The following PCDH19 variants were observed in gnomAD, a reference collection of about 807,000 sequenced individuals.
The protein encoded by PCDH19 is protocadherin-19.
In PCDH19, 6 loss-of-function variants were observed where a neutral mutation model predicts 46.2. The ratio of observed to expected loss-of-function variants is 0.13; its 90% CI spans 0.07 to 0.26. PCDH19 has a LOEUF of 0.26. Among genes scored for constraint, PCDH19 ranks in the 10% least tolerant of loss-of-function variants. The pLI, the probability that PCDH19 is intolerant of heterozygous loss-of-function variation, is 1.00. For synonymous variants in PCDH19, 481 were observed against 415.7 expected, an observed-to-expected ratio of 1.16 and a Z score of -1.91; for missense variants, 740 against 972.3, an observed-to-expected ratio of 0.76 and a Z score of 3.18.
At chrX:100,310,588 T>G (rs1284373918) in intron 5 of PCDH19, among the ~76,000 whole-genome samples, 1 of 110,771 alleles carries the variant, frequency 9.0e-6, no homozygotes, top group Non-Finnish European at 1.9e-5. Flanking sequence ...CAATGAGCTA[T>G]TCCCCAAAAG....
At chrX:100,340,472 A>T (rs1339287492) in intron 5 of PCDH19, among the ~76,000 whole-genome samples, 1 of 112,356 alleles carries the variant, frequency 8.9e-6, no homozygotes, top group Non-Finnish European at 1.9e-5. Context: ...CTAGTAAATG[A>T]TATATATCAG....
intron 5 of PCDH19, among the ~76,000 whole-genome samples, chrX:100,338,409 C>T (rs1461710000): frequency 9.6e-6 from 1 of 104,431 alleles, no homozygotes. Context: ...GTAGTCCCAG[C>T]TACTTGGGAA....
rs892613445 is a variant in PCDH19 at position 100,408,660 on chromosome X, G to A, written c.-63C>T. The A allele has an allele frequency of 7.2e-6, 7 of 978,623 alleles. No individual in the cohort carries two copies. The highest frequency in any genetic ancestry group is 9.8e-6 in the Non-Finnish European group (7 of 715,668). The allele number at this position is 978,623 out of a possible 1,213,427, so 80.6% of individuals were successfully genotyped here. A position where few individuals can be genotyped will look rare whatever the true frequency, so the allele number is the denominator to read the frequency against. ...CCCCTCCGAGACCGACGCCGTCGGC[G>A]CTCCAGCTTCCCGCCGGCTCGGGCC... On this transcript the variant is annotated 5_prime_UTR_variant, in exon 1 of 6. Coordinates refer to ENST00000373034, the MANE Select transcript of PCDH19 (RefSeq NM_001184880.2).
chrX:100,349,764 C>A (rs1289492307), intron 4 of PCDH19, among the ~76,000 whole-genome samples: 2 of 112,536 alleles, frequency 1.8e-5, no homozygotes, highest in African/African-American at 6.5e-5. Flanking sequence ...TTACATGAAA[C>A]AGCAATACAG....
At chrX:100,365,911 A>G (rs1243792988) in intron 3 of PCDH19, among the ~76,000 whole-genome samples, 1 of 112,090 alleles carries the variant, frequency 8.9e-6, no homozygotes, top group African/African-American at 3.2e-5. Flanking sequence ...AATAAAACCT[A>G]ATACTCAAAG....
At chrX:100,387,310 G>A (rs1405867015) in intron 3 of PCDH19, among the ~76,000 whole-genome samples, 1 of 111,312 alleles carries the variant, frequency 9.0e-6, no homozygotes, top group Non-Finnish European at 1.9e-5. Flanking sequence ...CTAATTTGTT[G>A]AAAAAAGAAC....
At chrX:100,338,043 G>T (rs778000582) in intron 5 of PCDH19, among the ~76,000 whole-genome samples, 1 of 111,565 alleles carries the variant, frequency 9.0e-6, no homozygotes, top group Non-Finnish European at 1.9e-5. Context: ...TGCCCTTTGA[G>T]TTCAAAAGTC....
chrX:100,295,749 C>T lies in PCDH19; in HGVS notation c.*528G>A, dbSNP rs1326817506. 1 of 114,156 alleles carries T rather than the reference C, an allele frequency of 8.8e-6. No individual in the cohort carries two copies. Among genetic ancestry groups the T allele is most frequent in the East Asian group, 2.8e-4 (1 of 3,617 alleles). 9.4% of individuals were successfully genotyped at this position (114,156 alleles called of 1,213,427 possible). On this transcript the variant is annotated 3_prime_UTR_variant, in exon 6 of 6. Coordinates refer to ENST00000373034, the MANE Select transcript of PCDH19 (RefSeq NM_001184880.2). ...AGCAGGGGTGTCCACAGCAAAGTAG[C>T]GGCATTGGGAAGTACTCGAGCTTCA...
At position 100,341,751 on chromosome X, in the gene PCDH19, AG is replaced by A. The variant is rs1271221270; in HGVS notation, c.2848+151del. The A allele has an allele frequency of 6.1e-4, 325 of 529,100 alleles. 1 individual carries two copies. In the African/African-American group the frequency reaches 7.0e-3, roughly 11 times the overall value. The allele number at this position is 529,100 out of a possible 1,213,427, so 43.6% of individuals were successfully genotyped here. ...GCAAAGAAGAATCTGGCTAGGTGTC[AG>A]GACATCTCAAAAACCTGTAGATGCT... On this transcript the variant is annotated intron_variant, in intron 5 of 5. Coordinates refer to ENST00000373034, the MANE Select transcript of PCDH19 (RefSeq NM_001184880.2).
intron 5 of PCDH19, among the ~76,000 whole-genome samples, chrX:100,330,728 T>C (rs1465906293): frequency 1.8e-5 from 2 of 111,834 alleles, no homozygotes; most frequent in East Asian, 5.6e-4. Flanking sequence ...CTAGAGTTCT[T>C]TAGCCAGATT....
At chrX:100,370,380 T>C (rs1927184225) in intron 3 of PCDH19, among the ~76,000 whole-genome samples, 1 of 112,299 alleles carries the variant, frequency 8.9e-6, no homozygotes, top group African/African-American at 3.2e-5. Flanking sequence ...AAAAGAGTTC[T>C]CTAAAACTGT....
intron 3 of PCDH19, among the ~76,000 whole-genome samples, chrX:100,392,952 G>A (rs2055075056): frequency 9.0e-6 from 1 of 111,390 alleles, no homozygotes; most frequent in Non-Finnish European, 1.9e-5. Flanking sequence ...CAAACGACCT[G>A]TACACATAGG....
chrX:100,369,426 C>T (rs1031358435), intron 3 of PCDH19, among the ~76,000 whole-genome samples: 2 of 111,649 alleles, frequency 1.8e-5, no homozygotes, highest in African/African-American at 6.5e-5. Flanking sequence ...CATGATCACC[C>T]AAGGGTCAGT....
At chrX:100,320,506 G>A (rs1313584454) in intron 5 of PCDH19, among the ~76,000 whole-genome samples, 1 of 111,822 alleles carries the variant, frequency 8.9e-6, no homozygotes, top group Non-Finnish European at 1.9e-5. Flanking sequence ...TAATAACAGT[G>A]TGTTTAAACA....
chrX:100,331,855 T>C (rs1276395681), intron 5 of PCDH19, among the ~76,000 whole-genome samples: 1 of 112,236 alleles, frequency 8.9e-6, no homozygotes, highest in Non-Finnish European at 1.9e-5. Context: ...GTGAGTCAAT[T>C]AAACCTCTTT....
chrX:100,339,285 T>C (rs1006175142), intron 5 of PCDH19, among the ~76,000 whole-genome samples: 5 of 111,910 alleles, frequency 4.5e-5, no homozygotes, highest in African/African-American at 1.3e-4. Flanking sequence ...ACCAAGGGGA[T>C]TGGGGACTAG....
chrX:100,301,434 T>G (rs958039025), intron 5 of PCDH19, among the ~76,000 whole-genome samples: 2 of 112,087 alleles, frequency 1.8e-5, no homozygotes, highest in Non-Finnish European at 3.8e-5. Flanking sequence ...TGTTTCCTCT[T>G]CAGAAATAAT....
rs1047308525 is a variant in PCDH19 at position 100,395,123 on chromosome X, G to A, written c.2616+7401C>T. 1.3e-4 allele frequency among the ~76,000 whole-genome samples: 14 copies of A among 111,173 alleles called. No homozygotes were observed. In the East Asian group the frequency reaches 2.3e-3, roughly 18 times the overall value. On this transcript the variant is annotated intron_variant, in intron 3 of 5. Coordinates refer to ENST00000373034, the MANE Select transcript of PCDH19 (RefSeq NM_001184880.2). ...GGGATGGTCTCGATCTCCTGACCTC[G>A]TGATCCGCCCGCCTCGGCCTCCCAA...
rs899189210 is a variant in PCDH19, at chrX:100,295,420, T to C, written c.*857A>G. The C allele has an allele frequency of 8.9e-6, 1 of 111,861 alleles. No homozygotes were observed. Among genetic ancestry groups the C allele is most frequent in the Admixed American group, 9.5e-5 (1 of 10,516 alleles). 9.2% of individuals were successfully genotyped at this position (111,861 alleles called of 1,213,427 possible). ...ATAGCAGCCTATCCAAAAATGACTT[T>C]CTGCAATGATCTATCATGGACCTGG... is the stretch of plus-strand genomic sequence containing the variant. On this transcript the variant is annotated 3_prime_UTR_variant, in exon 6 of 6. Transcript: ENST00000373034.
Sources: allele counts gnomAD v4.1 joint callset (sites outside exome capture counted in the v4.1 genomes callset), GRCh38; gene constraint gnomAD v4.1.1; transcripts MANE v1.5; gene names NCBI Gene and HGNC (gene_info 2026-07-23, HGNC 2026-07-21).